The following ATE1 variants were observed in gnomAD, a reference collection of about 807,000 sequenced individuals.
The protein encoded by ATE1 is arginyltransferase 1, also known as arginyl-tRNA--protein transferase 1.
Under a neutral mutation model 70.5 loss-of-function variants are expected in ATE1, and 36 were observed. That is an observed-to-expected ratio of 0.51 (90% CI 0.39 to 0.67). The LOEUF (loss-of-function observed/expected upper bound fraction) is 0.67, where lower values mean the gene tolerates loss of function less well. Ranked by LOEUF, ATE1 falls within the 30% of genes least tolerant of loss-of-function variation. ATE1 has a pLI of 0.00. For missense variants in ATE1, 593 were observed against 629.5 expected (o/e 0.94, Z 0.62); for synonymous variants, 232 against 219.3 (o/e 1.06, Z -0.51).
chr10:121,853,357 G>A (rs1374365742), intron 8 of ATE1, among the ~76,000 whole-genome samples: 2 of 101,710 alleles, frequency 2.0e-5, no homozygotes, highest in South Asian at 3.4e-4. Context: ...GTTAGACTCT[G>A]TCTCAAAAAA....
chr10:121,867,367 T>C (rs1949699237), intron 8 of ATE1, among the ~76,000 whole-genome samples: 1 of 152,208 alleles, frequency 6.6e-6, no homozygotes, highest in Non-Finnish European at 1.5e-5. Context: ...ATTTGGTCCC[T>C]GTACAGGAAA....
At chr10:121,902,111 T>A (rs1016616272) in intron 6 of ATE1, among the ~76,000 whole-genome samples, 1 of 152,186 alleles carries the variant, frequency 6.6e-6, no homozygotes, top group Non-Finnish European at 1.5e-5. Context: ...ACTATTAAAT[T>A]TCAATCAAGG....
intron 11 of ATE1, among the ~76,000 whole-genome samples, chr10:121,771,847 T>C (rs1365849634): frequency 1.3e-5 from 2 of 152,256 alleles, no homozygotes; most frequent in Non-Finnish European, 2.9e-5. Context: ...ACATTCATTT[T>C]ACGCTTTGGT....
chr10:121,762,800 G>C (rs1338662083), intron 11 of ATE1, among the ~76,000 whole-genome samples: 1 of 152,170 alleles, frequency 6.6e-6, no homozygotes, highest in East Asian at 1.9e-4. Flanking sequence ...TGTACATATA[G>C]CTCACATTTA....
intron 11 of ATE1, among the ~76,000 whole-genome samples, chr10:121,749,179 T>A (rs1944484638): frequency 6.6e-6 from 1 of 152,170 alleles, no homozygotes; most frequent in South Asian, 2.1e-4. Flanking sequence ...TTAATGTTCA[T>A]AATGCCCAAT....
At chr10:121,904,082 G>A (rs778585239) in intron 5 of ATE1, among the ~76,000 whole-genome samples, 2 of 150,764 alleles carry the variant, frequency 1.3e-5, no homozygotes, top group Non-Finnish European at 3.0e-5. Context: ...CGGACCATTC[G>A]AGCAATTCTC....
At chr10:121,834,658 C>T (rs985577162) in intron 10 of ATE1, among the ~76,000 whole-genome samples, 2 of 151,618 alleles carry the variant, frequency 1.3e-5, no homozygotes, top group African/African-American at 4.9e-5. Context: ...AAAACATCTT[C>T]ATGAAGAGGA....
chr10:121,871,413 T>A (rs1049567557), intron 7 of ATE1, among the ~76,000 whole-genome samples: 1 of 152,044 alleles, frequency 6.6e-6, no homozygotes, highest in African/African-American at 2.4e-5. Flanking sequence ...GAGCCAAGAT[T>A]GCGCCACTGC....
At chr10:121,787,384 C>T (rs1318574286) in intron 11 of ATE1, among the ~76,000 whole-genome samples, 1 of 152,206 alleles carries the variant, frequency 6.6e-6, no homozygotes, top group African/African-American at 2.4e-5. Flanking sequence ...ATTTAAACCT[C>T]AAATGACCAT....
At chr10:121,867,664 T>C (rs890185267) in intron 8 of ATE1, among the ~76,000 whole-genome samples, 10 of 152,182 alleles carry the variant, frequency 6.6e-5, no homozygotes, top group Admixed American at 5.2e-4. Flanking sequence ...AACAACACTT[T>C]GTAGTTGTTA....
intron 7 of ATE1, among the ~76,000 whole-genome samples, chr10:121,890,499 C>T (rs1046200215): frequency 3.9e-5 from 6 of 152,118 alleles, no homozygotes; most frequent in African/African-American, 1.4e-4. Context: ...TACAGGTCAT[C>T]AGTATAATCA....
chr10:121,907,540 C>T (rs921287796), intron 5 of ATE1, among the ~76,000 whole-genome samples: 1 of 151,842 alleles, frequency 6.6e-6, no homozygotes, highest in Non-Finnish European at 1.5e-5. Context: ...TTTGGGAGGC[C>T]GAGGCGGATG....
intron 8 of ATE1, among the ~76,000 whole-genome samples, chr10:121,859,639 T>G (rs997853336): frequency 2.0e-5 from 3 of 152,064 alleles, no homozygotes; most frequent in African/African-American, 4.8e-5. Context: ...AGCAGAGTAA[T>G]GGTGTAAGAC....
At chr10:121,856,707 T>TAC (rs1208098786) in intron 8 of ATE1, among the ~76,000 whole-genome samples, 3 of 152,202 alleles carry the variant, frequency 2.0e-5, no homozygotes, top group African/African-American at 7.2e-5. Context: ...GCAATATATA[T>TAC]ACGTTGATTT....
intron 11 of ATE1, among the ~76,000 whole-genome samples, chr10:121,754,054 C>G (rs74158435): frequency 0.072 from 10,987 of 152,226 alleles, 611 homozygotes; most frequent in African/African-American, 0.15. Context: ...AAGACTAGAA[C>G]AAACTGTTGT....
At chr10:121,834,908 A>C (rs1212117726) in intron 10 of ATE1, among the ~76,000 whole-genome samples, 1 of 152,156 alleles carries the variant, frequency 6.6e-6, no homozygotes, top group African/African-American at 2.4e-5. Flanking sequence ...CGTGTACTAC[A>C]TAAAGGAAGA....
rs190635115 is a variant in ATE1, at chr10:121,744,068, G to A, written c.1379-210C>T. On this transcript the variant is annotated intron_variant, in intron 11 of 11. Transcript: ENST00000224652. ...CTCCCAAGTAGCTGGGATTACAGGT[G>A]TGTGCCACCACACCAGGCTAATTTT... is the stretch of plus-strand genomic sequence containing the variant. Among the ~76,000 whole-genome samples, 933 of 151,218 alleles carry A rather than the reference G, an allele frequency of 6.2e-3. 10 individuals are homozygous for A. Among genetic ancestry groups the A allele is most frequent in the South Asian group, 0.023 (110 of 4,750 alleles).
chr10:121,794,563 G>A (rs1442585126), intron 10 of ATE1, among the ~76,000 whole-genome samples: 2 of 124,338 alleles, frequency 1.6e-5, no homozygotes, highest in East Asian at 5.4e-4. Context: ...ATAGTCAGCA[G>A]TGATTGTGTC....
chr10:121,848,202 T>C (rs1948910380), intron 8 of ATE1, among the ~76,000 whole-genome samples: 1 of 152,172 alleles, frequency 6.6e-6, no homozygotes, highest in Non-Finnish European at 1.5e-5. Flanking sequence ...CAAAAGCTAA[T>C]TAGGCAGCTC....
Sources: allele counts gnomAD v4.1 joint callset (sites outside exome capture counted in the v4.1 genomes callset), GRCh38; gene constraint gnomAD v4.1.1; transcripts MANE v1.5; gene names NCBI Gene and HGNC (gene_info 2026-07-23, HGNC 2026-07-21).